Variants in ARHGAP10 observed in about 807,000 individuals in gnomAD.
ARHGAP10 encodes the protein rho GTPase-activating protein 10.
Under a neutral mutation model 108.6 loss-of-function variants are expected in ARHGAP10, and 87 were observed. The observed-to-expected ratio is 0.80, with a 90% CI of 0.67 to 0.96. The LOEUF (loss-of-function observed/expected upper bound fraction) is 0.96, where lower values mean the gene tolerates loss of function less well. Ranked by LOEUF, ARHGAP10 falls within the 40% of genes least tolerant of loss-of-function variation. The pLI is 0.00. For synonymous variants in ARHGAP10, 347 were observed against 341.1 expected, an observed-to-expected ratio of 1.02 and a Z score of -0.19; for missense variants, 939 against 954.5, an observed-to-expected ratio of 0.98 and a Z score of 0.21.
chr4:147,913,039 A>C lies in ARHGAP10; in HGVS notation c.1163-35A>C. The C allele has an allele frequency of 1.9e-6, 3 of 1,555,456 alleles. 1 individual carries two copies. The African/African-American group carries it at 4.1e-5, about 21-fold the overall frequency. On this transcript the variant is annotated intron_variant, in intron 12 of 22. Transcript: ENST00000336498. ...AGGAAGAGAAATGTGATAAATAATA[A>C]TTGTACACTTAATGTTTTAAACTGT...
chr4:147,925,065 C>T (rs1737409856), intron 13 of ARHGAP10, among the ~76,000 whole-genome samples: 1 of 151,868 alleles, frequency 6.6e-6, no homozygotes, highest in Admixed American at 6.6e-5. Flanking sequence ...GAACAAACAG[C>T]AAAATTAACT....
chr4:147,823,099 G>A, intron 3 of ARHGAP10, 142 bp downstream of exon 3: 1 of 906,476 alleles, frequency 1.1e-6, no homozygotes, highest in Admixed American at 2.8e-5. Context: ...GAGGTTTCCG[G>A]AGCCCTGATT....
intron 15 of ARHGAP10, among the ~76,000 whole-genome samples, chr4:147,953,597 T>G (rs761113274): frequency 1.3e-5 from 2 of 148,778 alleles, no homozygotes; most frequent in African/African-American, 2.4e-5. Context: ...TCTGCACTGA[T>G]TCTGCAGTCA....
chr4:147,807,263 A>G (rs141270334), intron 1 of ARHGAP10, among the ~76,000 whole-genome samples: 15 of 152,298 alleles, frequency 9.8e-5, no homozygotes, highest in Non-Finnish European at 1.8e-4. Context: ...TTTATATGAA[A>G]TATCCTGCAT....
chr4:148,051,359 A>G (rs1397100155), intron 20 of ARHGAP10, among the ~76,000 whole-genome samples: 1 of 152,190 alleles, frequency 6.6e-6, no homozygotes, highest in Non-Finnish European at 1.5e-5. Context: ...CCCCACAATA[A>G]GGTAGTTTTC....
intron 19 of ARHGAP10, among the ~76,000 whole-genome samples, chr4:148,024,045 G>A (rs182545620): frequency 1.3e-5 from 2 of 152,312 alleles, no homozygotes; most frequent in Non-Finnish European, 2.9e-5. Flanking sequence ...AGATTGCCCA[G>A]TTTTTACAAA....
intron 18 of ARHGAP10, among the ~76,000 whole-genome samples, chr4:147,981,378 C>G (rs1739800058): frequency 6.6e-6 from 1 of 152,100 alleles, no homozygotes; most frequent in African/African-American, 2.4e-5. Flanking sequence ...TAGAGTTGCT[C>G]TTGGTATTAA....
chr4:148,023,147 G>T, intron 18 of ARHGAP10, 116 bp from the exon 19 acceptor site: 2 of 1,201,826 alleles, frequency 1.7e-6, no homozygotes, highest in Non-Finnish European at 2.3e-6. Flanking sequence ...TGGATTTTGG[G>T]CTCTAGCCTG....
At chr4:147,951,135 A>G (rs145770360) in intron 15 of ARHGAP10, among the ~76,000 whole-genome samples, 81 of 152,308 alleles carry the variant, frequency 5.3e-4, no homozygotes, top group South Asian at 2.1e-3. Context: ...TTGCCTAGCT[A>G]GACATATGGC....
chr4:147,863,196 C>A (rs1259066577), intron 5 of ARHGAP10: 1 of 152,158 alleles, frequency 6.6e-6, no homozygotes, highest in Non-Finnish European at 1.5e-5. Flanking sequence ...ATCTCCAGGG[C>A]TTTTTAAAAA....
chr4:148,035,001 T>G (rs933430855), intron 19 of ARHGAP10, among the ~76,000 whole-genome samples: 7 of 152,232 alleles, frequency 4.6e-5, no homozygotes, highest in Non-Finnish European at 7.3e-5. Flanking sequence ...GCAACTGAAC[T>G]GGTCTTACTT....
Position 147,765,334 on chromosome 4 carries a change from GTGT to G in ARHGAP10, c.154+32880_154+32882del, listed in dbSNP as rs386680613. Among the ~76,000 whole-genome samples, 7 of 35,888 alleles carry G rather than the reference GTGT, an allele frequency of 2.0e-4. No homozygotes were observed. The East Asian group carries it at 8.2e-3, about 42-fold the overall frequency. The allele number at this position is 35,888 out of a possible 152,430, so 23.5% of individuals were successfully genotyped here. On this transcript the variant is annotated intron_variant, in intron 1 of 22. Transcript: ENST00000336498. ...GGTGTGTGTGCTGTGGTGTGTGTGT[GTGT>G]GGGGGGGGGGGTGTGAGTGTGTGTA...
chr4:148,025,089 G>T (rs1012158402), intron 19 of ARHGAP10, among the ~76,000 whole-genome samples: 1 of 152,166 alleles, frequency 6.6e-6, no homozygotes, highest in African/African-American at 2.4e-5. Flanking sequence ...TTGATCATTG[G>T]ATTGCTAAGT....
intron 18 of ARHGAP10, among the ~76,000 whole-genome samples, chr4:148,013,088 C>T (rs182220070): frequency 1.2e-3 from 189 of 152,154 alleles, no homozygotes; most frequent in African/African-American, 3.4e-3. Context: ...ATTTTAGAAA[C>T]AGTAATTCAG....
At chr4:147,765,657 G>A (rs1220973228) in intron 1 of ARHGAP10, among the ~76,000 whole-genome samples, 1 of 152,072 alleles carries the variant, frequency 6.6e-6, no homozygotes, top group Non-Finnish European at 1.5e-5. Flanking sequence ...AAAATTAGCT[G>A]GGTGTGGTGG....
chr4:147,950,691 A>G (rs983296709), intron 15 of ARHGAP10, among the ~76,000 whole-genome samples: 4 of 152,116 alleles, frequency 2.6e-5, no homozygotes, highest in Admixed American at 6.5e-5. Context: ...TTTTTCTTCT[A>G]CTGACGAGGC....
chr4:147,885,655 G>A (rs1204454535), intron 10 of ARHGAP10, among the ~76,000 whole-genome samples: 1 of 152,126 alleles, frequency 6.6e-6, no homozygotes, highest in African/African-American at 2.4e-5. Flanking sequence ...TGTTATTCAC[G>A]TTTGACCTCC....
At chr4:147,914,484 A>C (rs899336311) in intron 13 of ARHGAP10, among the ~76,000 whole-genome samples, 18 of 151,858 alleles carry the variant, frequency 1.2e-4, no homozygotes, top group African/African-American at 3.9e-4. Context: ...GGGCCTCCCA[A>C]AATACTGGAA....
At chr4:147,867,921 TCTAA>T (rs1207788205) in intron 7 of ARHGAP10, among the ~76,000 whole-genome samples, 4 of 60,052 alleles carry the variant, frequency 6.7e-5, no homozygotes, top group African/African-American at 1.8e-4. Context: ...AGATTTTGTT[TCTAA>T]CTTTTTTTTT....
Sources: allele counts gnomAD v4.1 joint callset (sites outside exome capture counted in the v4.1 genomes callset), GRCh38; gene constraint gnomAD v4.1.1; transcripts MANE v1.5; gene names NCBI Gene and HGNC (gene_info 2026-07-23, HGNC 2026-07-21).